PCDHGA6: variants seen among roughly 807,000 people sequenced by gnomAD.
PCDHGA6 encodes the protein protocadherin gamma-A6.
In PCDHGA6, 41 loss-of-function variants were observed where a neutral mutation model predicts 60.6. The observed-to-expected ratio is 0.68, with a 90% confidence interval of 0.53 to 0.88. The LOEUF (loss-of-function observed/expected upper bound fraction) is 0.88. PCDHGA6 is among the 40% of genes least tolerant of loss of function. The pLI, the probability that PCDHGA6 is intolerant of heterozygous loss-of-function variation, is 0.00. For synonymous variants in PCDHGA6, 594 were observed against 524.4 expected (o/e 1.13, Z -1.81); for missense variants, 1,312 against 1,203.0 (o/e 1.09, Z -1.34).
chr5:141,471,789 TCATATAAAAGA>T (rs777265354), intron 1 of PCDHGA6, among the ~76,000 whole-genome samples: 14 of 152,224 alleles, frequency 9.2e-5, no homozygotes, highest in Non-Finnish European at 1.9e-4. Flanking sequence ...TTATGCTATG[TCATATAAAAGA>T]CATATAAAAG....
Position 141,463,645 on chromosome 5 carries a change from G to T in PCDHGA6, c.2425-31162G>T, listed in dbSNP as rs372962993. ...TTGTATTTTGTTTAGTAGAGACGGG[G>T]TTTCACCGTGTTAGCCAGGATGGTC... On this transcript the variant is annotated intron_variant, in intron 1 of 3. Transcript: ENST00000517434. 7.9e-5 allele frequency among the ~76,000 whole-genome samples: 12 copies of T among 151,840 alleles called. No individual in the cohort carries two copies. In the East Asian group the frequency reaches 2.1e-3, roughly 27 times the overall value.
At chr5:141,507,611 A>G (rs2099862056) in intron 3 of PCDHGA6, among the ~76,000 whole-genome samples, 1 of 152,258 alleles carries the variant, frequency 6.6e-6, no homozygotes, top group South Asian at 2.1e-4. Flanking sequence ...AAACAGGTAT[A>G]TTTAGCTGTT....
At chr5:141,426,882 C>A (rs528411309) in intron 1 of PCDHGA6, 1 of 456,664 alleles carries the variant, frequency 2.2e-6, no homozygotes, top group African/African-American at 2.0e-5. Context: ...GCCCCTGGGC[C>A]AGGAGCAACA....
chr5:141,387,717 C>T (rs2091056709), intron 1 of PCDHGA6: 1 of 1,093,268 alleles, frequency 9.1e-7, no homozygotes, highest in African/African-American at 1.6e-5. Context: ...CCAGCTCAGA[C>T]TCCCCAGCGC....
chr5:141,374,457 A>C lies in PCDHGA6; in HGVS notation c.374A>C (p.Asp125Ala), dbSNP rs775796857. ...TATCCCGTGGAAGTGGAAATAGTGG[A>C]CATTAATGACAATACACCCCGATTC... ...NLYPVEVEIV[D>A]INDNTPRFLK... The change falls in exon 1 of 4, where the codon GAC becomes GCC. Residue 125 changes from aspartate (D) to alanine (A), a missense_variant. Coordinates refer to ENST00000517434, the MANE Select transcript of PCDHGA6 (RefSeq NM_018919.3). The C allele has an allele frequency of 2.5e-6, 4 of 1,613,430 alleles. No homozygotes were observed. The South Asian group carries it at 4.4e-5, about 18-fold the overall frequency.
chr5:141,405,546 A>G (rs2094684316), intron 1 of PCDHGA6: 1 of 630,658 alleles, frequency 1.6e-6, no homozygotes, highest in Admixed American at 2.9e-5. Context: ...CAGCCTCCCA[A>G]GTAGAGTAGC....
At position 141,490,597 on chromosome 5, in the gene PCDHGA6, C is replaced by G. The variant is rs781077720; in HGVS notation, c.2425-4210C>G. 1 of 1,614,182 alleles carries G rather than the reference C, an allele frequency of 6.2e-7. No homozygotes were observed. On this transcript the variant is annotated intron_variant, in intron 1 of 3. Transcript: ENST00000517434. This position sits in a 1 kb window ranked among gnomAD's most constrained non-coding sequence, Gnocchi z 5.4. ...TTCAGATGTCAATGACAATGCACCC[C>G]GCTTCAACCAGCAGCTTTACACTGC...
intron 1 of PCDHGA6, among the ~76,000 whole-genome samples, chr5:141,402,429 T>C (rs2094263946): frequency 6.6e-6 from 1 of 151,986 alleles, no homozygotes; most frequent in Admixed American, 6.6e-5. Flanking sequence ...AATTGAAGCA[T>C]CATAAAAAGG....
In PCDHGA6 at chr5:141,489,153, G is replaced by A; in HGVS notation, c.2425-5654G>A. The A allele has an allele frequency of 1.1e-6, 1 of 935,832 alleles. No homozygotes were observed. The highest frequency in any genetic ancestry group is 1.6e-6 in the Non-Finnish European group (1 of 627,178). 58.0% of individuals were successfully genotyped at this position (935,832 alleles called of 1,614,324 possible). A position where few individuals can be genotyped will look rare whatever the true frequency, so the allele number is the denominator to read the frequency against. ...TTTAAGAGGCTGGAAGGAGACATAA[G>A]AGACTTCAGCTGCTGCATTCCAAGC... On this transcript the variant is annotated intron_variant, in intron 1 of 3. Coordinates refer to ENST00000517434, the MANE Select transcript of PCDHGA6 (RefSeq NM_018919.3). This position sits in a 1 kb window ranked among gnomAD's most constrained non-coding sequence, Gnocchi z 4.5.
In PCDHGA6 at chr5:141,374,926, TG is replaced by T; in HGVS notation, c.844del (p.Val282Ter). On this transcript the variant is annotated frameshift_variant, in exon 1 of 4. Coordinates refer to ENST00000517434, the MANE Select transcript of PCDHGA6 (RefSeq NM_018919.3). LOFTEE classifies it high-confidence loss of function. Reference protein sequence around the residue: ...GVHGEVTYSFVKITEKISQIF... With the variant: ...GVHGEVTYSFXKITEKISQIF... Reference sequence around the variant, plus strand: ...TCCACGGGGAAGTAACTTATTCCTTTGTGAAGATTACAGAAAAGATCTCACA... The same window carrying T: ...TCCACGGGGAAGTAACTTATTCCTTTTGAAGATTACAGAAAAGATCTCACA... 2 of 1,613,970 alleles carry T rather than the reference TG, an allele frequency of 1.2e-6. No individual in the cohort carries two copies. Among genetic ancestry groups the T allele is most frequent in the Non-Finnish European group, 1.7e-6 (2 of 1,179,902 alleles).
chr5:141,400,507 A>G (rs1158150708), intron 1 of PCDHGA6: 1 of 1,613,864 alleles, frequency 6.2e-7, no homozygotes, highest in Non-Finnish European at 8.5e-7. Context: ...CAGCGAGTCG[A>G]CTTCCCATCC....
intron 2 of PCDHGA6, among the ~76,000 whole-genome samples, chr5:141,504,443 A>C (rs1043353401): frequency 2.0e-5 from 3 of 152,070 alleles, no homozygotes; most frequent in African/African-American, 4.8e-5. Context: ...CAGTGTGACT[A>C]GTGCCATGTG....
At chr5:141,408,590 G>A (rs776799830) in intron 1 of PCDHGA6, 4 of 1,613,956 alleles carry the variant, frequency 2.5e-6, no homozygotes, top group East Asian at 2.2e-5. Context: ...TAATGACCAC[G>A]CCCCTCAATT....
At position 141,485,163 on chromosome 5, in the gene PCDHGA6, G is replaced by A. The variant is rs2099608470; in HGVS notation, c.2425-9644G>A. 14 of 1,604,624 alleles carry A rather than the reference G, an allele frequency of 8.7e-6. No individual in the cohort carries two copies. The highest frequency in any genetic ancestry group is 1.1e-5 in the Non-Finnish European group (13 of 1,172,560). ...TCTCAGGAGCAAGTAGAGAATTAGCGGGCGGCAGCAATGCTCCGCAAGGTG... is the reference window on the plus strand; with the variant it reads ...TCTCAGGAGCAAGTAGAGAATTAGCAGGCGGCAGCAATGCTCCGCAAGGTG... On this transcript the variant is annotated intron_variant, in intron 1 of 3. Coordinates refer to ENST00000517434, the MANE Select transcript of PCDHGA6 (RefSeq NM_018919.3). The surrounding 1 kb of genome is among the most constrained non-coding windows in gnomAD (Gnocchi z 5.7).
chr5:141,427,875 C>A, intron 1 of PCDHGA6: 1 of 1,560,408 alleles, frequency 6.4e-7, no homozygotes. Flanking sequence ...GCTCACGATG[C>A]AGGCCCACGA....
In PCDHGA6 at chr5:141,433,056, G is replaced by T. The variant is rs1422450948; in HGVS notation, c.2424+56549G>T. ...TCCCTCACCACGGACTCGCGGAAGA[G>T]TCACCTGATCTTCCCCCAGCCCAAC... On this transcript the variant is annotated intron_variant, in intron 1 of 3. Coordinates refer to ENST00000517434, the MANE Select transcript of PCDHGA6 (RefSeq NM_018919.3). The T allele has an allele frequency of 6.8e-6, 11 of 1,614,086 alleles. No homozygotes were observed. In the South Asian group the frequency reaches 1.1e-4, roughly 16 times the overall value.
Position 141,476,447 on chromosome 5 carries a change from G to A in PCDHGA6, c.2425-18360G>A. 2 of 1,614,130 alleles carry A rather than the reference G, an allele frequency of 1.2e-6. No homozygotes were observed. The highest frequency in any genetic ancestry group is 1.7e-6 in the Non-Finnish European group (2 of 1,180,026). On this transcript the variant is annotated intron_variant, in intron 1 of 3. Transcript: ENST00000517434. This position sits in a 1 kb window ranked among gnomAD's most constrained non-coding sequence, Gnocchi z 7.6. ...CTCTTGCACTGTAACTCTGGAGTTGGTAGTGGAGAACCCGCTGGAGCTGTT... is the reference window on the plus strand; with the variant it reads ...CTCTTGCACTGTAACTCTGGAGTTGATAGTGGAGAACCCGCTGGAGCTGTT...
chr5:141,419,773 C>CAG, intron 1 of PCDHGA6: 1 of 1,614,034 alleles, frequency 6.2e-7, no homozygotes, highest in Non-Finnish European at 8.5e-7. Flanking sequence ...AGGACTCGGT[C>CAG]CGCCAGCGCC....
chr5:141,419,325 ACT>A (rs1329600066), intron 1 of PCDHGA6: 33 of 1,613,586 alleles, frequency 2.0e-5, no homozygotes, highest in Non-Finnish European at 2.6e-5. Flanking sequence ...CGTGTCTCCT[ACT>A]CTCTCATTGC....
Sources: allele counts gnomAD v4.1 joint callset (sites outside exome capture counted in the v4.1 genomes callset), GRCh38; gene constraint gnomAD v4.1.1; non-coding constraint Gnocchi (gnomAD v3.1); transcripts MANE v1.5; gene names NCBI Gene and HGNC (gene_info 2026-07-23, HGNC 2026-07-21).